PLEKHG4B: variants seen among roughly 807,000 people sequenced by gnomAD.
The protein encoded by PLEKHG4B is pleckstrin homology and RhoGEF domain containing G4B.
Under a neutral mutation model 121.3 loss-of-function variants are expected in PLEKHG4B, and 111 were observed. That is an observed-to-expected ratio of 0.92 (90% confidence interval 0.78 to 1.07). The LOEUF is 1.07. Among genes scored for constraint, PLEKHG4B ranks in the 50% least tolerant of loss-of-function variants. The probability of loss-of-function intolerance (pLI) is 0.00; values close to 1 mark genes in which losing one functional copy is unlikely to be tolerated. For synonymous variants in PLEKHG4B, 738 were observed against 725.0 expected, an observed-to-expected ratio of 1.02 and a Z score of -0.29; for missense variants, 1,831 against 1,757.8, an observed-to-expected ratio of 1.04 and a Z score of -0.74.
chr5:169,174 G>A lies in PLEKHG4B; in HGVS notation c.3477-166G>A, dbSNP rs559448042. On this transcript the variant is annotated intron_variant, in intron 13 of 19. Transcript: ENST00000637938. ...CAGGCACGAGCCCCCACGCCTGGCC[G>A]GAAGCTTTTTTATCGTGCATCCCAC... 2.2e-4 allele frequency: 200 copies of A among 914,874 alleles called. No individual in the cohort carries two copies. The African/African-American group carries it at 3.0e-3, about 14-fold the overall frequency. 56.7% of individuals were successfully genotyped at this position (914,874 alleles called of 1,614,324 possible).
intron 1 of PLEKHG4B, among the ~76,000 whole-genome samples, chr5:107,948 C>T (rs1265655187): frequency 6.6e-6 from 1 of 152,164 alleles, no homozygotes; most frequent in Non-Finnish European, 1.5e-5. Context: ...TGGAGTGGAG[C>T]AGCACCTTTC....
intron 2 of PLEKHG4B, among the ~76,000 whole-genome samples, chr5:136,268 T>C (rs1399606503): frequency 6.6e-6 from 1 of 152,164 alleles, no homozygotes; most frequent in African/African-American, 2.4e-5. Flanking sequence ...TTGGCAAAGA[T>C]TTTTTAGATA....
chr5:161,898 A>G lies in PLEKHG4B; in HGVS notation c.2603A>G (p.Glu868Gly). 1 of 1,613,534 alleles carries G rather than the reference A, an allele frequency of 6.2e-7. No homozygotes were observed. The highest frequency in any genetic ancestry group is 8.5e-7 in the Non-Finnish European group (1 of 1,179,980). ...GTGGTCAGCCAGGCTGAGTGCAGGG[A>G]GGGAGAGCTGGCCAGGTGGACCCGC... is the stretch of plus-strand genomic sequence containing the variant. ...SAVVSQAECR[E>G]GELARWTRSS... The change falls in exon 12 of 20, where the codon GAG (glutamate) becomes GGG (glycine). Residue 868 changes from glutamate to glycine, a missense_variant. Physicochemically the swap from Glu to Gly is moderately conservative, Grantham distance 98. Transcript: ENST00000637938.
At chr5:145,290 C>T (rs987902158) in intron 6 of PLEKHG4B, among the ~76,000 whole-genome samples, 3 of 152,226 alleles carry the variant, frequency 2.0e-5, no homozygotes, top group African/African-American at 7.2e-5. Flanking sequence ...CCCGCTATGC[C>T]CCTCTGTCAG....
rs569956049 is a variant in PLEKHG4B, at chr5:174,151, C to T, written c.4402+53C>T. On this transcript the variant is annotated intron_variant, in intron 18 of 19. Transcript: ENST00000637938. ...CCAGGCTCAGGGGCACAGCTAGGGGCAGGGGTCGGGGCTGGGACTGGGGTG... is the reference window on the plus strand; with the variant it reads ...CCAGGCTCAGGGGCACAGCTAGGGGTAGGGGTCGGGGCTGGGACTGGGGTG... 69 of 768,812 alleles carry T rather than the reference C, an allele frequency of 9.0e-5. 1 individual carries two copies. In the East Asian group the frequency reaches 2.1e-3, roughly 23 times the overall value. 47.6% of individuals were successfully genotyped at this position (768,812 alleles called of 1,614,324 possible). A position where few individuals can be genotyped will look rare whatever the true frequency, so the allele number is the denominator to read the frequency against.
In PLEKHG4B at chr5:184,981, G is replaced by C. The variant is rs1445372904; in HGVS notation, c.*2658G>C. ...AGCAGCGTGATGGCTGGGAGACGCT[G>C]GATGTGATACGTGAAGTGAGGGGTA... On this transcript the variant is annotated 3_prime_UTR_variant, in exon 20 of 20. Transcript: ENST00000637938. 6.6e-6 allele frequency: 1 copy of C among 152,226 alleles called. No homozygotes were observed. Among genetic ancestry groups the C allele is most frequent in the Non-Finnish European group, 1.5e-5 (1 of 68,046 alleles). 9.4% of individuals were successfully genotyped at this position (152,226 alleles called of 1,614,324 possible).
intron 6 of PLEKHG4B, among the ~76,000 whole-genome samples, chr5:151,171 T>G (rs1048557023): frequency 1.3e-5 from 2 of 152,192 alleles, no homozygotes; most frequent in African/African-American, 4.8e-5. Context: ...GGAGAGGGCT[T>G]GGCTACGAAG....
At chr5:145,521 C>T (rs142147375) in intron 6 of PLEKHG4B, among the ~76,000 whole-genome samples, 1,557 of 152,306 alleles carry the variant, frequency 0.01, 13 homozygotes, top group Non-Finnish European at 0.013. Flanking sequence ...CCACCATGCC[C>T]GGCTAATTTT....
At chr5:108,859 A>G (rs748436389) in intron 1 of PLEKHG4B, among the ~76,000 whole-genome samples, 1 of 152,202 alleles carries the variant, frequency 6.6e-6, no homozygotes, top group Non-Finnish European at 1.5e-5. Flanking sequence ...TTTTGATTCA[A>G]TGGTGGTTTC....
At chr5:99,170 GTATATA>G (rs534174768) in intron 1 of PLEKHG4B, among the ~76,000 whole-genome samples, 16,370 of 99,724 alleles carry the variant, frequency 0.16, 1,458 homozygotes, top group Non-Finnish European at 0.18. Flanking sequence ...AAAAAAAAGT[GTATATA>G]TATATATATA....
At chr5:135,086 G>C (rs111974841) in intron 2 of PLEKHG4B, among the ~76,000 whole-genome samples, 1 of 150,706 alleles carries the variant, frequency 6.6e-6, no homozygotes, top group African/African-American at 2.4e-5. Context: ...CTACTGGGAG[G>C]CTGAGGCAGG....
rs993175707 is a variant in PLEKHG4B, at chr5:157,217, G to A, written c.2487+306G>A. The A allele has an allele frequency of 1.7e-5, 7 of 403,378 alleles. No homozygotes were observed. Among genetic ancestry groups the A allele is most frequent in the Non-Finnish European group, 2.8e-5 (6 of 212,760 alleles). The allele number at this position is 403,378 out of a possible 1,614,324, so 25.0% of individuals were successfully genotyped here. ...GTGTGAATAGCTGGGTGTATCTTCC[G>A]GACGCTTTCTCCATGTGCATGCGTA... On this transcript the variant is annotated intron_variant, in intron 11 of 19. Transcript: ENST00000637938. The surrounding 1 kb of genome is among the most constrained non-coding windows in gnomAD (Gnocchi z 4.6).
intron 2 of PLEKHG4B, among the ~76,000 whole-genome samples, chr5:133,216 C>A (rs1734828652): frequency 6.6e-6 from 1 of 152,122 alleles, no homozygotes; most frequent in African/African-American, 2.4e-5. Context: ...TGTAGTAGAG[C>A]TACTGATTTG....
Position 121,654 on chromosome 5 carries a change from C to T in PLEKHG4B, c.243+8206C>T, listed in dbSNP as rs1033217576. On this transcript the variant is annotated intron_variant, in intron 2 of 19. Transcript: ENST00000637938. ...TGCATCAGGGAACAGTAAGAATGACCGATGACTTCCTCAGAAGCACTGGGC... is the reference window on the plus strand; with the variant it reads ...TGCATCAGGGAACAGTAAGAATGACTGATGACTTCCTCAGAAGCACTGGGC... Among the ~76,000 whole-genome samples the T allele has an allele frequency of 5.9e-5, 9 of 151,882 alleles. No individual in the cohort carries two copies. In the South Asian group the frequency reaches 6.2e-4, roughly 11 times the overall value.
chr5:161,327 A>G (rs1376022030), intron 11 of PLEKHG4B, among the ~76,000 whole-genome samples: 1 of 152,246 alleles, frequency 6.6e-6, no homozygotes, highest in Non-Finnish European at 1.5e-5. Context: ...TTCAAAATGG[A>G]AAGTCCTGGA....
intron 13 of PLEKHG4B, 49 bp downstream of exon 13, chr5:163,597 A>G (rs1267974725): frequency 5.6e-6 from 8 of 1,418,506 alleles, no homozygotes; most frequent in South Asian, 1.4e-5. Flanking sequence ...TTGGGGATCT[A>G]GAAACCCAAA....
intron 1 of PLEKHG4B, among the ~76,000 whole-genome samples, chr5:102,587 C>G (rs115521915): frequency 1.3e-5 from 2 of 152,186 alleles, no homozygotes; most frequent in African/African-American, 2.4e-5. Context: ...CTGTAAGACA[C>G]GAGTTCCCCT....
intron 17 of PLEKHG4B, 134 bp from the exon 18 acceptor site, chr5:173,784 T>A: frequency 4.8e-6 from 5 of 1,051,852 alleles, no homozygotes; most frequent in Non-Finnish European, 5.5e-6. Flanking sequence ...GTGGTCTCGC[T>A]CACCCTGACC....
Position 184,222 on chromosome 5 carries a change from G to A in PLEKHG4B, c.*1899G>A, listed in dbSNP as rs1388447520. The A allele has an allele frequency of 6.6e-6, 1 of 152,176 alleles. No homozygotes were observed. The highest frequency in any genetic ancestry group is 1.5e-5 in the Non-Finnish European group (1 of 68,040). The allele number at this position is 152,176 out of a possible 1,614,324, so 9.4% of individuals were successfully genotyped here. On this transcript the variant is annotated 3_prime_UTR_variant, in exon 20 of 20. Coordinates refer to ENST00000637938, the MANE Select transcript of PLEKHG4B (RefSeq NM_052909.5). ...GAGGCCAAAGGCCTGAGAACCTGGG[G>A]GCCACTGGTATAAGTCTGAGTCCAT...
Sources: gnomAD v4.1 joint callset for allele counts (sites outside exome capture counted in the v4.1 genomes callset) on GRCh38, gnomAD v4.1.1 for gene constraint, Gnocchi (gnomAD v3.1) non-coding constraint, MANE v1.5 for transcripts, NCBI Gene and HGNC (gene_info 2026-07-23, HGNC 2026-07-21) for gene names.